The following GNS variants were observed in gnomAD, a reference collection of about 807,000 sequenced individuals.
The protein encoded by GNS is glucosamine (N-acetyl)-6-sulfatase, also known as N-acetylglucosamine-6-sulfatase.
In GNS, 40 loss-of-function variants were observed where a neutral mutation model predicts 69.7. The observed-to-expected ratio is 0.57, with a 90% CI of 0.45 to 0.75. The LOEUF (loss-of-function observed/expected upper bound fraction) is 0.75. Ranked by LOEUF, GNS falls within the 30% of genes least tolerant of loss-of-function variation. The probability of loss-of-function intolerance (pLI) is 0.00; values close to 1 mark genes in which losing one functional copy is unlikely to be tolerated. For missense variants in GNS, 565 were observed against 685.5 expected (o/e 0.82, Z 1.96); for synonymous variants, 243 against 251.6 (o/e 0.97, Z 0.32).
intron 9 of GNS, among the ~76,000 whole-genome samples, chr12:64,732,741 G>A (rs909237637): frequency 2.3e-4 from 35 of 152,252 alleles, no homozygotes; most frequent in Admixed American, 5.2e-4. Flanking sequence ...CATTACAGGC[G>A]TGAGCCACCG....
chr12:64,722,088 G>A (rs1304246254), intron 11 of GNS, among the ~76,000 whole-genome samples: 4 of 151,404 alleles, frequency 2.6e-5, no homozygotes, highest in South Asian at 2.1e-4. Context: ...GCAGTCGTGC[G>A]ATCTCAGCTC....
chr12:64,751,656 C>T (rs568951444), intron 2 of GNS, among the ~76,000 whole-genome samples: 4 of 152,248 alleles, frequency 2.6e-5, no homozygotes, highest in Admixed American at 6.5e-5. Context: ...TGTTGGTAGA[C>T]ATATAATAAC....
chr12:64,739,865 C>T (rs1869677395), intron 7 of GNS, among the ~76,000 whole-genome samples: 1 of 152,190 alleles, frequency 6.6e-6, no homozygotes, highest in Admixed American at 6.5e-5. Context: ...AAGAGTTGTC[C>T]ATTCTCAGTA....
At chr12:64,736,498 G>C (rs544252661) in intron 9 of GNS, among the ~76,000 whole-genome samples, 46 of 152,198 alleles carry the variant, frequency 3.0e-4, no homozygotes, top group Non-Finnish European at 5.9e-4. Context: ...CAGATCCCAG[G>C]GGATTCACAC....
chr12:64,738,820 GCC>G (rs200794405), intron 8 of GNS, among the ~76,000 whole-genome samples: 1 of 145,456 alleles, frequency 6.9e-6, no homozygotes, highest in African/African-American at 2.5e-5. Flanking sequence ...CCCCCCACCA[GCC>G]CCCCAAAAAA....
At chr12:64,722,899 AG>A (rs1565881015) in intron 11 of GNS, 106 bp downstream of exon 11, 1 of 760,600 alleles carries the variant, frequency 1.3e-6, no homozygotes, top group Non-Finnish European at 2.4e-6. Context: ...TCAGTGACAA[AG>A]GAACAGGACT....
chr12:64,755,539 C>T (rs1870223140), intron 1 of GNS, among the ~76,000 whole-genome samples: 1 of 147,980 alleles, frequency 6.8e-6, no homozygotes, highest in Non-Finnish European at 1.5e-5. Flanking sequence ...GATCGCGCCA[C>T]TGCACTCCAG....
Position 64,713,958 on chromosome 12 carries a change from G to C in GNS, c.*2783C>G, listed in dbSNP as rs573404754. 6.6e-6 allele frequency: 1 copy of C among 152,036 alleles called. No homozygotes were observed. The highest frequency in any genetic ancestry group is 1.5e-5 in the Non-Finnish European group (1 of 68,016). The allele number at this position is 152,036 out of a possible 1,614,324, so 9.4% of individuals were successfully genotyped here. ...AGCCTGGCCAACATGGTGAAACCCC[G>C]TCTCTACTAAAATTACAAAAATCAG... On this transcript the variant is annotated 3_prime_UTR_variant, in exon 14 of 14. Transcript: ENST00000258145.
intron 4 of GNS, 109 bp from the exon 5 acceptor site, chr12:64,745,016 G>A (rs1311507558): frequency 5.8e-6 from 4 of 693,146 alleles, no homozygotes; most frequent in South Asian, 1.5e-5. Flanking sequence ...ACATTAAAAA[G>A]ATAATTACTC....
chr12:64,750,905 CAAAAAAGAA>C (rs1220681175), intron 2 of GNS, among the ~76,000 whole-genome samples: 1 of 150,674 alleles, frequency 6.6e-6, no homozygotes, highest in Non-Finnish European at 1.5e-5. Context: ...GACCCTGTCT[CAAAAAAGAA>C]AAAAAAGAAA....
chr12:64,745,599 A>T, intron 4 of GNS, 60 bp downstream of exon 4: 1 of 941,456 alleles, frequency 1.1e-6, no homozygotes. Context: ...GAGCTAAATT[A>T]AACATATTCT....
intron 2 of GNS, 123 bp from the exon 3 acceptor site, chr12:64,748,041 AATAT>A (rs1869950892): frequency 1.3e-5 from 9 of 698,654 alleles, no homozygotes; most frequent in South Asian, 3.1e-5. Context: ...TTTCTCATGG[AATAT>A]ATATATTTTT....
At chr12:64,724,560 T>G (rs1047381919) in intron 10 of GNS, among the ~76,000 whole-genome samples, 1 of 152,176 alleles carries the variant, frequency 6.6e-6, no homozygotes, top group African/African-American at 2.4e-5. Context: ...CACTGGAGAC[T>G]TAAAAAGCTC....
At chr12:64,756,744 T>C (rs1870262285) in intron 1 of GNS, 1 of 1,499,996 alleles carries the variant, frequency 6.7e-7, no homozygotes, top group South Asian at 1.2e-5. Flanking sequence ...CAATTAGTGG[T>C]AGAATATTCT....
Position 64,720,096 on chromosome 12 carries a change from C to T in GNS, c.1506G>A (p.Lys502=), listed in dbSNP as rs748361347. The T allele has an allele frequency of 3.7e-6, 6 of 1,610,264 alleles. No homozygotes were observed. The highest frequency in any genetic ancestry group is 5.1e-6 in the Non-Finnish European group (6 of 1,176,458). ...GTAACATCATTAACCGATAGTTCATCTTTCCTAAAAGCTCTGGGTCTATGG... is the reference window on the plus strand; with the variant it reads ...GTAACATCATTAACCGATAGTTCATTTTTCCTAAAAGCTCTGGGTCTATGG... ...AKTIDPELLG[K]MNYRLMMLQS... Residue 502 remains lysine (K), a synonymous_variant, in exon 13 of 14, where the codon AAG becomes AAA. Transcript: ENST00000258145.
In GNS at chr12:64,747,714, C is replaced by A; in HGVS notation, c.457G>T (p.Glu153Ter). The change falls in exon 3 of 14, where the codon GAG (glutamate) becomes TAG (stop). Residue 153 changes from glutamate (E) to a stop codon, truncating the protein, a stop_gained and splice_region_variant. Transcript: ENST00000258145. LOFTEE classifies it high-confidence loss of function. ...AAGAAACAGATCATTCAACATACCT[C>A]ATTTAAATATTTCCCTGCAAAAAAG... is the stretch of plus-strand genomic sequence containing the variant. ...QTFFAGKYLN[E>*]YGAPDAGGLE... 1 of 1,509,546 alleles carries A rather than the reference C, an allele frequency of 6.6e-7. No individual in the cohort carries two copies. Among genetic ancestry groups the A allele is most frequent in the East Asian group, 2.3e-5 (1 of 44,430 alleles). 93.5% of individuals were successfully genotyped at this position (1,509,546 alleles called of 1,614,324 possible). A position where few individuals can be genotyped will look rare whatever the true frequency, so the allele number is the denominator to read the frequency against.
In GNS at chr12:64,749,336, T is replaced by C. The variant is rs192728476; in HGVS notation, c.253-1418A>G. Among the ~76,000 whole-genome samples, 1,200 of 136,796 alleles carry C rather than the reference T, an allele frequency of 8.8e-3. 14 individuals carry two copies. The highest frequency in any genetic ancestry group is 0.032 in the African/African-American group (1,138 of 35,852). The allele number at this position is 136,796 out of a possible 152,430, so 89.7% of individuals were successfully genotyped here. A position where few individuals can be genotyped will look rare whatever the true frequency, so the allele number is the denominator to read the frequency against. On this transcript the variant is annotated intron_variant, in intron 2 of 13. Coordinates refer to ENST00000258145, the MANE Select transcript of GNS (RefSeq NM_002076.4). Reference sequence around the variant, plus strand: ...GGCGCGATCTCAGCTCACTGCAAGCTCCGCCTCCTGGGTTCACGCCATTCT... The same window carrying C: ...GGCGCGATCTCAGCTCACTGCAAGCCCCGCCTCCTGGGTTCACGCCATTCT...
chr12:64,755,719 C>T (rs1870230334), intron 1 of GNS, among the ~76,000 whole-genome samples: 1 of 143,264 alleles, frequency 7.0e-6, no homozygotes, highest in South Asian at 2.3e-4. Context: ...TGCTCTGTCA[C>T]CCAGGCTAGA....
intron 5 of GNS, 103 bp from the exon 6 acceptor site, chr12:64,743,411 T>C: frequency 1.2e-6 from 1 of 809,238 alleles, no homozygotes; most frequent in Non-Finnish European, 2.1e-6. Flanking sequence ...CTTACTAGCT[T>C]TTAAGCAATC....
Sources: gnomAD v4.1 joint callset for allele counts (sites outside exome capture counted in the v4.1 genomes callset) on GRCh38, gnomAD v4.1.1 for gene constraint, MANE v1.5 for transcripts, NCBI Gene and HGNC (gene_info 2026-07-23, HGNC 2026-07-21) for gene names.